Variants in CMSS1 observed in about 807,000 individuals in gnomAD.
The protein encoded by CMSS1 is protein CMSS1.
CMSS1 carries 33 observed loss-of-function variants against 43.5 expected under a neutral mutation model. That is an observed-to-expected ratio of 0.76 (90% CI 0.57 to 1.01). The LOEUF (loss-of-function observed/expected upper bound fraction) is 1.01. CMSS1 is among the 50% of genes least tolerant of loss of function. The pLI is 0.00. For synonymous variants in CMSS1, 115 were observed against 117.2 expected (o/e 0.98, Z 0.12); for missense variants, 313 against 326.4 (o/e 0.96, Z 0.32).
At chr3:100,149,747 G>A (rs534261787) in intron 2 of CMSS1, among the ~76,000 whole-genome samples, 23 of 152,204 alleles carry the variant, frequency 1.5e-4, no homozygotes, top group African/African-American at 3.9e-4. Flanking sequence ...TCTCCACAGC[G>A]CCTGACATGG....
At chr3:100,021,155 C>G (rs1170250153) in intron 1 of CMSS1, among the ~76,000 whole-genome samples, 2 of 152,336 alleles carry the variant, frequency 1.3e-5, no homozygotes, top group East Asian at 3.9e-4. Context: ...AATTCCCCAG[C>G]TTACTGCTCT....
chr3:100,002,246 A>G (rs1055540098), intron 1 of CMSS1, among the ~76,000 whole-genome samples: 7 of 152,202 alleles, frequency 4.6e-5, no homozygotes, highest in Non-Finnish European at 1.0e-4. Flanking sequence ...GTTTAGAGTT[A>G]GGTTAGAGCA....
At chr3:99,886,327 A>G (rs757440674) in intron 1 of CMSS1, among the ~76,000 whole-genome samples, 17 of 151,436 alleles carry the variant, frequency 1.1e-4, no homozygotes, top group Admixed American at 2.6e-4. Flanking sequence ...GGGATGTCCA[A>G]TCTTTTGGCT....
chr3:99,819,778 G>A (rs545830349), intron 1 of CMSS1, among the ~76,000 whole-genome samples: 10 of 141,658 alleles, frequency 7.1e-5, no homozygotes, highest in African/African-American at 2.1e-4. Context: ...TTTTTGACAC[G>A]GAGTCTCCCT....
intron 1 of CMSS1, among the ~76,000 whole-genome samples, chr3:99,884,731 T>C (rs1202915416): frequency 1.3e-5 from 2 of 152,224 alleles, no homozygotes; most frequent in Non-Finnish European, 2.9e-5. Context: ...TCCCAGCTAT[T>C]GCCTATTGAC....
intron 1 of CMSS1, among the ~76,000 whole-genome samples, chr3:100,116,131 C>A (rs2066566762): frequency 1.3e-5 from 2 of 152,160 alleles, no homozygotes. Flanking sequence ...GTCTTGTAAC[C>A]AAACCCACTT....
At chr3:99,842,350 G>A (rs888792760) in intron 1 of CMSS1, among the ~76,000 whole-genome samples, 9 of 151,988 alleles carry the variant, frequency 5.9e-5, no homozygotes, top group African/African-American at 1.9e-4. Context: ...TGGGAGGGGT[G>A]TAAGGGATAA....
intron 1 of CMSS1, among the ~76,000 whole-genome samples, chr3:100,081,488 A>G (rs531527527): frequency 6.6e-6 from 1 of 152,134 alleles, no homozygotes; most frequent in Non-Finnish European, 1.5e-5. Context: ...CTTATCTTCC[A>G]TGTATACTTA....
intron 1 of CMSS1, among the ~76,000 whole-genome samples, chr3:100,021,423 G>T (rs545739217): frequency 6.6e-6 from 1 of 152,292 alleles, no homozygotes; most frequent in South Asian, 2.1e-4. Context: ...ACAGCATTAA[G>T]CAAGACACTT....
chr3:99,931,391 A>C (rs899533967), intron 1 of CMSS1, among the ~76,000 whole-genome samples: 1 of 152,156 alleles, frequency 6.6e-6, no homozygotes, highest in Non-Finnish European at 1.5e-5. Flanking sequence ...ACATAATTAT[A>C]ATATTGTAAA....
At chr3:99,903,957 A>C (rs1485003262) in intron 1 of CMSS1, among the ~76,000 whole-genome samples, 1 of 152,228 alleles carries the variant, frequency 6.6e-6, no homozygotes, top group Non-Finnish European at 1.5e-5. Context: ...CAAGTAATAG[A>C]AACAAGCCCA....
chr3:100,002,537 A>T (rs1709872773), intron 1 of CMSS1, among the ~76,000 whole-genome samples: 3 of 152,230 alleles, frequency 2.0e-5, no homozygotes, highest in Admixed American at 6.5e-5. Context: ...GGATGGAAGT[A>T]GCCTAAAATT....
At chr3:99,889,692 C>T (rs1706023071) in intron 1 of CMSS1, among the ~76,000 whole-genome samples, 1 of 151,838 alleles carries the variant, frequency 6.6e-6, no homozygotes, top group South Asian at 2.1e-4. Context: ...TCTCTCTCTA[C>T]CTTGTAATAC....
chr3:99,895,377 C>CTT (rs35156845), intron 1 of CMSS1, among the ~76,000 whole-genome samples: 67 of 128,094 alleles, frequency 5.2e-4, no homozygotes, highest in East Asian at 9.2e-4. Flanking sequence ...GTCAGCAGGA[C>CTT]TTTTTTTTTT....
At chr3:100,103,549 G>T (rs1200297496) in intron 1 of CMSS1, among the ~76,000 whole-genome samples, 1 of 152,200 alleles carries the variant, frequency 6.6e-6, no homozygotes, top group Non-Finnish European at 1.5e-5. Flanking sequence ...CAAGTTGGAA[G>T]CACGGATTGG....
intron 1 of CMSS1, among the ~76,000 whole-genome samples, chr3:99,844,204 G>T (rs529801195): frequency 6.6e-6 from 1 of 152,272 alleles, no homozygotes; most frequent in Admixed American, 6.5e-5. Flanking sequence ...CCGTTTTAGG[G>T]CACAATTAAC....
rs768306918 is a variant in CMSS1 at position 99,817,930 on chromosome 3, A to C, written c.-50A>C. On this transcript the variant is annotated 5_prime_UTR_variant, in exon 1 of 10. Coordinates refer to ENST00000421999, the MANE Select transcript of CMSS1 (RefSeq NM_032359.4). ...GCTTTGAGACAACGTGATTCTCCGC[A>C]GCTGGTCGCCTACCCGTGATGTTCT... is the stretch of plus-strand genomic sequence containing the variant. 3.1e-5 allele frequency: 50 copies of C among 1,590,192 alleles called. No individual in the cohort carries two copies. The highest frequency in any genetic ancestry group is 3.9e-5 in the Non-Finnish European group (45 of 1,159,340).
chr3:99,882,754 T>C (rs1024062728), intron 1 of CMSS1, among the ~76,000 whole-genome samples: 2 of 152,200 alleles, frequency 1.3e-5, no homozygotes, highest in African/African-American at 4.8e-5. Flanking sequence ...AAATCCCAAT[T>C]AATAATTGAG....
chr3:100,102,329 G>T (rs1401795620), intron 1 of CMSS1, among the ~76,000 whole-genome samples: 14 of 152,026 alleles, frequency 9.2e-5, no homozygotes, highest in Admixed American at 9.2e-4. Flanking sequence ...GGTATGAGAT[G>T]GTATCTCATT....
Sources: allele counts gnomAD v4.1 joint callset (sites outside exome capture counted in the v4.1 genomes callset), GRCh38; gene constraint gnomAD v4.1.1; transcripts MANE v1.5; gene names NCBI Gene and HGNC (gene_info 2026-07-23, HGNC 2026-07-21).